NGEF: variants seen among roughly 807,000 people sequenced by gnomAD.
The protein encoded by NGEF is neuronal guanine nucleotide exchange factor.
A neutral mutation model predicts 80.9 loss-of-function variants in NGEF; 31 were observed. The ratio of observed to expected loss-of-function variants is 0.38; its 90% CI spans 0.29 to 0.52. The LOEUF is 0.52. Ranked by LOEUF, NGEF falls within the 20% of genes least tolerant of loss-of-function variation. The pLI is 0.84. For synonymous variants in NGEF, 371 were observed against 370.2 expected, an observed-to-expected ratio of 1.00 and a Z score of -0.03; for missense variants, 709 against 926.2, an observed-to-expected ratio of 0.77 and a Z score of 3.04.
chr2:232,967,478 G>T (rs1354764051), intron 3 of NGEF, among the ~76,000 whole-genome samples: 1 of 149,798 alleles, frequency 6.7e-6, no homozygotes, highest in Non-Finnish European at 1.5e-5. Flanking sequence ...GGGATTACAG[G>T]CATGTACTAC....
chr2:233,010,723 C>T (rs1176038499), intron 1 of NGEF, among the ~76,000 whole-genome samples: 2 of 152,254 alleles, frequency 1.3e-5, no homozygotes, highest in African/African-American at 2.4e-5. Flanking sequence ...ATGGCCCCTC[C>T]TCAGTGCTCA....
chr2:232,948,737 G>C (rs1224699837), intron 3 of NGEF, among the ~76,000 whole-genome samples: 1 of 152,154 alleles, frequency 6.6e-6, no homozygotes, highest in Non-Finnish European at 1.5e-5. Context: ...ATCAAGTTTG[G>C]CCAGGCACAG....
rs1347266632 is a variant in NGEF, at chr2:232,879,637, C to T, written c.1985G>A (p.Trp662Ter). Residue 662 changes from tryptophan to a stop codon, truncating the protein, a stop_gained, in exon 15 of 15, where the codon TGG (tryptophan) becomes TAG (stop). Coordinates refer to ENST00000264051, the MANE Select transcript of NGEF (RefSeq NM_019850.3). LOFTEE classifies it high-confidence loss of function. Reference sequence around the variant, plus strand: ...CTCCTCAGTCATGGAGCTGGGGAACCAGCCTCTCTCCTGGTCGTGCAGACG... The same window carrying T: ...CTCCTCAGTCATGGAGCTGGGGAACTAGCCTCTCTCCTGGTCGTGCAGACG... ...GERLHDQERGWFPSSMTEEIL... is the reference protein window; with the variant it reads ...GERLHDQERG The T allele has an allele frequency of 6.2e-7, 1 of 1,613,408 alleles. No homozygotes were observed. The highest frequency in any genetic ancestry group is 1.3e-5 in the African/African-American group (1 of 74,946).
intron 3 of NGEF, among the ~76,000 whole-genome samples, chr2:232,938,355 C>G (rs1220266010): frequency 6.6e-6 from 1 of 152,144 alleles, no homozygotes; most frequent in Non-Finnish European, 1.5e-5. Context: ...GCATAGCCTT[C>G]ATGGAAACGA....
intron 1 of NGEF, among the ~76,000 whole-genome samples, chr2:232,985,466 A>T (rs1694512659): frequency 6.6e-6 from 1 of 151,966 alleles, no homozygotes; most frequent in Admixed American, 6.6e-5. Flanking sequence ...AAAATACAAA[A>T]ATTAGGCCAG....
intron 5 of NGEF, among the ~76,000 whole-genome samples, chr2:232,910,384 A>G (rs1692665633): frequency 6.7e-6 from 1 of 149,182 alleles, no homozygotes; most frequent in South Asian, 2.1e-4. Context: ...TGAGAAATAC[A>G]GCTGTAAATA....
At chr2:232,998,748 G>A (rs1304289327) in intron 1 of NGEF, among the ~76,000 whole-genome samples, 1 of 152,076 alleles carries the variant, frequency 6.6e-6, no homozygotes, top group South Asian at 2.1e-4. Flanking sequence ...CAGGCCAGTC[G>A]TCTCTCTTCT....
intron 5 of NGEF, among the ~76,000 whole-genome samples, chr2:232,903,519 T>C (rs1692415760): frequency 6.6e-6 from 1 of 152,128 alleles, no homozygotes; most frequent in Non-Finnish European, 1.5e-5. Flanking sequence ...GGAGAAAGAC[T>C]TTCACTGAGA....
intron 1 of NGEF, among the ~76,000 whole-genome samples, chr2:233,010,901 C>A (rs562089365): frequency 3.4e-4 from 51 of 152,192 alleles, no homozygotes; most frequent in Non-Finnish European, 6.5e-4. Context: ...GGTCCCAGGC[C>A]AAGGGAAGGA....
At chr2:232,940,555 T>A (rs970660416) in intron 3 of NGEF, among the ~76,000 whole-genome samples, 1 of 150,570 alleles carries the variant, frequency 6.6e-6, no homozygotes. Flanking sequence ...AGGATTTTTT[T>A]AGTGTTATTT....
chr2:232,929,557 T>C (rs1343003187), intron 3 of NGEF, among the ~76,000 whole-genome samples: 1 of 152,140 alleles, frequency 6.6e-6, no homozygotes, highest in Admixed American at 6.5e-5. Flanking sequence ...GCAGGTCTGG[T>C]CTCTTCATGC....
intron 1 of NGEF, among the ~76,000 whole-genome samples, chr2:233,000,921 TG>T (rs1694963468): frequency 6.6e-6 from 1 of 152,162 alleles, no homozygotes; most frequent in African/African-American, 2.4e-5. Context: ...CTTGGATTTC[TG>T]GTTGGGAAAG....
At chr2:233,012,257 C>T (rs1384688981) in intron 1 of NGEF, among the ~76,000 whole-genome samples, 1 of 152,166 alleles carries the variant, frequency 6.6e-6, no homozygotes, top group African/African-American at 2.4e-5. Flanking sequence ...ACACAAGTCC[C>T]ACCTCTACAC....
intron 1 of NGEF, among the ~76,000 whole-genome samples, chr2:232,982,422 G>T (rs957730389): frequency 4.6e-5 from 7 of 152,198 alleles, no homozygotes; most frequent in Admixed American, 6.5e-5. Context: ...AGAGGGACTG[G>T]CTGATCCCAG....
chr2:232,966,255 T>C (rs564728168), intron 3 of NGEF, among the ~76,000 whole-genome samples: 151 of 152,186 alleles, frequency 9.9e-4, no homozygotes, highest in African/African-American at 3.5e-3. Context: ...CTGACCACAA[T>C]TCCTTGGCAT....
At chr2:233,010,640 C>A (rs1172501379) in intron 1 of NGEF, among the ~76,000 whole-genome samples, 1 of 152,114 alleles carries the variant, frequency 6.6e-6, no homozygotes, top group Non-Finnish European at 1.5e-5. Context: ...ATGGCCTCAC[C>A]CAGGCTCCCA....
intron 3 of NGEF, among the ~76,000 whole-genome samples, chr2:232,958,249 A>T (rs1011618673): frequency 6.6e-6 from 1 of 152,124 alleles, no homozygotes; most frequent in Non-Finnish European, 1.5e-5. Flanking sequence ...TATCACCAAA[A>T]GGCAGCCGGG....
At chr2:232,889,701 C>T (rs573264161) in intron 8 of NGEF, among the ~76,000 whole-genome samples, 6 of 152,194 alleles carry the variant, frequency 3.9e-5, no homozygotes, top group Admixed American at 1.3e-4. Context: ...GTCGCCATCC[C>T]GGCTTTGCCC....
chr2:232,896,596 A>G (rs1692075079), intron 5 of NGEF, among the ~76,000 whole-genome samples: 1 of 70,194 alleles, frequency 1.4e-5, no homozygotes, highest in African/African-American at 6.0e-5. Context: ...GGGTGAGGGT[A>G]GGGGTGTGAG....
Sources: allele counts gnomAD v4.1 joint callset (sites outside exome capture counted in the v4.1 genomes callset), GRCh38; gene constraint gnomAD v4.1.1; transcripts MANE v1.5; gene names NCBI Gene and HGNC (gene_info 2026-07-23, HGNC 2026-07-21).